The following CACNA1D variants were observed in gnomAD, a reference collection of about 807,000 sequenced individuals.
CACNA1D encodes voltage-dependent L-type calcium channel subunit alpha-1D.
Under a neutral mutation model 257.1 loss-of-function variants are expected in CACNA1D, and 55 were observed. The ratio of observed to expected loss-of-function variants is 0.21; its 90% CI spans 0.17 to 0.27. CACNA1D has a LOEUF of 0.27. Among genes scored for constraint, CACNA1D ranks in the 10% least tolerant of loss-of-function variants. CACNA1D has a pLI of 1.00. For missense variants in CACNA1D, 1,876 were observed against 2,784.0 expected, an observed-to-expected ratio of 0.67 and a Z score of 7.34; for synonymous variants, 980 against 1,014.9, an observed-to-expected ratio of 0.97 and a Z score of 0.65.
intron 3 of CACNA1D, among the ~76,000 whole-genome samples, chr3:53,606,919 A>G (rs2093518017): frequency 6.6e-6 from 1 of 152,218 alleles, no homozygotes; most frequent in Non-Finnish European, 1.5e-5. Flanking sequence ...TTCACGTTTC[A>G]TAAGTGAAAT....
intron 4 of CACNA1D, among the ~76,000 whole-genome samples, chr3:53,658,075 T>G (rs2094165954): frequency 6.6e-6 from 1 of 152,256 alleles, no homozygotes. Flanking sequence ...CTTCTGACTT[T>G]AGTCAGTTTA....
Position 53,650,840 on chromosome 3 carries a change from C to T in CACNA1D, c.545C>T (p.Ala182Val), listed in dbSNP as rs760620751. The change falls in exon 4 of 48, where the codon GCG becomes GTG. Residue 182 changes from alanine to valine, a missense_variant. Coordinates refer to ENST00000350061, the MANE Select transcript of CACNA1D (RefSeq NM_001128840.3). ...FTVETFLKII[A>V]YGLLLHPNAY... ...GTCGAGACATTTTTGAAGATTATAGCGTATGGATTATTGCTACATCCTAAT... is the reference window on the plus strand; with the variant it reads ...GTCGAGACATTTTTGAAGATTATAGTGTATGGATTATTGCTACATCCTAAT... 9 of 1,610,776 alleles carry T rather than the reference C, an allele frequency of 5.6e-6. No individual in the cohort carries two copies. Among genetic ancestry groups the T allele is most frequent in the Admixed American group, 1.7e-5 (1 of 59,982 alleles).
At chr3:53,791,554 A>T (rs1357104948) in intron 40 of CACNA1D, 1 of 154,400 alleles carries the variant, frequency 6.5e-6, no homozygotes, top group Admixed American at 6.4e-5. Flanking sequence ...TTCCTTTTGT[A>T]TGCCAGTCCG....
chr3:53,788,497 C>G (rs937208275), intron 40 of CACNA1D, among the ~76,000 whole-genome samples: 6 of 152,164 alleles, frequency 3.9e-5, no homozygotes, highest in African/African-American at 1.4e-4. Flanking sequence ...CAGCTAGCCT[C>G]CGAAAGACAA....
At chr3:53,550,581 A>G (rs992171941) in intron 3 of CACNA1D, among the ~76,000 whole-genome samples, 1 of 152,222 alleles carries the variant, frequency 6.6e-6, no homozygotes, top group African/African-American at 2.4e-5. Context: ...TGGGTGTGCA[A>G]CATGGTTTTA....
chr3:53,512,410 G>A (rs1019902356), intron 3 of CACNA1D, among the ~76,000 whole-genome samples: 1 of 152,196 alleles, frequency 6.6e-6, no homozygotes. Flanking sequence ...GTTAATTGAT[G>A]TTATTAAAGC....
chr3:53,538,296 C>T (rs1026927916), intron 3 of CACNA1D, among the ~76,000 whole-genome samples: 1 of 151,746 alleles, frequency 6.6e-6, no homozygotes, highest in African/African-American at 2.4e-5. Flanking sequence ...TACAGGCGCA[C>T]GCCACCATGC....
intron 3 of CACNA1D, among the ~76,000 whole-genome samples, chr3:53,523,983 G>T (rs2091672007): frequency 6.6e-6 from 1 of 152,222 alleles, no homozygotes; most frequent in Non-Finnish European, 1.5e-5. Context: ...GTGAATATCT[G>T]TGAAATTCTC....
In CACNA1D at chr3:53,745,808, C is replaced by T; in HGVS notation, c.3115-15C>T. The T allele has an allele frequency of 6.2e-7, 1 of 1,611,304 alleles. No homozygotes were observed. Reference sequence around the variant, plus strand: ...AGCCTGCATTTACTTAACTGCCTGTCTATTTTATACCCAGGGGAAGTTCTA... The same window carrying T: ...AGCCTGCATTTACTTAACTGCCTGTTTATTTTATACCCAGGGGAAGTTCTA... On this transcript the variant is annotated splice_polypyrimidine_tract_variant and intron_variant, in intron 24 of 47. Coordinates refer to ENST00000350061, the MANE Select transcript of CACNA1D (RefSeq NM_001128840.3).
chr3:53,723,867 G>A lies in CACNA1D; in HGVS notation c.1968G>A (p.Leu656=). The change falls in exon 14 of 48, where the codon CTG becomes CTA. Residue 656 remains leucine, a synonymous_variant. Transcript: ENST00000350061. The surrounding 1 kb of genome is among the most constrained non-coding windows in gnomAD (Gnocchi z 5.6). Reference sequence around the variant, plus strand: ...AGTCCATCGCTTCGCTGTTGCTTCTGCTTTTTCTCTTCATTATCATCTTTT... The same window carrying A: ...AGTCCATCGCTTCGCTGTTGCTTCTACTTTTTCTCTTCATTATCATCTTTT... ...SMKSIASLLL[L]LFLFIIIFSL... is the part of the protein sequence containing the mutation. 6.2e-7 allele frequency: 1 copy of A among 1,614,156 alleles called. No individual in the cohort carries two copies. The highest frequency in any genetic ancestry group is 1.3e-5 in the African/African-American group (1 of 75,034).
chr3:53,671,521 ACCCTCTGCCTT>A (rs946307277), intron 7 of CACNA1D, among the ~76,000 whole-genome samples: 17 of 152,184 alleles, frequency 1.1e-4, no homozygotes, highest in African/African-American at 2.4e-4. Context: ...TGGATGAATT[ACCCTCTGCCTT>A]CCTGCTGAAA....
chr3:53,732,237 C>T (rs1333202957), intron 18 of CACNA1D, among the ~76,000 whole-genome samples, 155 bp downstream of exon 18: 1 of 152,226 alleles, frequency 6.6e-6, no homozygotes, highest in African/African-American at 2.4e-5. Flanking sequence ...GCCTTTTTCC[C>T]ATGGTCACAG....
chr3:53,576,759 C>G (rs1398598171), intron 3 of CACNA1D, among the ~76,000 whole-genome samples: 1 of 152,202 alleles, frequency 6.6e-6, no homozygotes, highest in Admixed American at 6.5e-5. Flanking sequence ...GTCTGAACAG[C>G]AGCCAGTCAG....
chr3:53,600,520 A>G (rs2093428279), intron 3 of CACNA1D, among the ~76,000 whole-genome samples: 1 of 152,232 alleles, frequency 6.6e-6, no homozygotes, highest in African/African-American at 2.4e-5. Context: ...AGATACCAAA[A>G]GTAATGTGCC....
chr3:53,636,526 A>G (rs1483321344), intron 3 of CACNA1D, among the ~76,000 whole-genome samples: 1 of 152,132 alleles, frequency 6.6e-6, no homozygotes, highest in Non-Finnish European at 1.5e-5. Flanking sequence ...AGCTGGTCTC[A>G]AACTCCTGAC....
chr3:53,614,648 C>A (rs71301842), intron 3 of CACNA1D, among the ~76,000 whole-genome samples: 15,555 of 152,248 alleles, frequency 0.1, 845 homozygotes, highest in African/African-American at 0.13. Context: ...TTTCACAGAA[C>A]AAGCAAACAG....
At chr3:53,627,568 T>G (rs561558842) in intron 3 of CACNA1D, among the ~76,000 whole-genome samples, 6 of 135,306 alleles carry the variant, frequency 4.4e-5, no homozygotes, top group African/African-American at 1.7e-4. Flanking sequence ...AACATGCTGA[T>G]GCTGTGTTCC....
intron 3 of CACNA1D, among the ~76,000 whole-genome samples, chr3:53,553,821 G>C (rs1328763358): frequency 6.6e-6 from 1 of 151,474 alleles, no homozygotes; most frequent in East Asian, 1.9e-4. Context: ...GGACTGGTGA[G>C]TTCAAAGGTT....
In CACNA1D at chr3:53,703,311, G is replaced by A. The variant is rs553594564; in HGVS notation, c.1390+501G>A. Among the ~76,000 whole-genome samples, 10 of 152,272 alleles carry A rather than the reference G, an allele frequency of 6.6e-5. No individual in the cohort carries two copies. The East Asian group carries it at 1.4e-3, about 21-fold the overall frequency. On this transcript the variant is annotated intron_variant, in intron 9 of 47. Transcript: ENST00000350061. ...GCCCATCAGGGGCTGGGAGGAAACCGGCTCACCATTCTAGGCAGGTGTTAA... is the reference window on the plus strand; with the variant it reads ...GCCCATCAGGGGCTGGGAGGAAACCAGCTCACCATTCTAGGCAGGTGTTAA...
Sources: gnomAD v4.1 joint callset for allele counts (sites outside exome capture counted in the v4.1 genomes callset) on GRCh38, gnomAD v4.1.1 for gene constraint, Gnocchi (gnomAD v3.1) non-coding constraint, MANE v1.5 for transcripts, NCBI Gene and HGNC (gene_info 2026-07-23, HGNC 2026-07-21) for gene names.